The following CMTM8 variants were observed in gnomAD, a reference collection of about 807,000 sequenced individuals.
CMTM8 encodes CKLF-like MARVEL transmembrane domain-containing protein 8.
CMTM8 carries 12 observed loss-of-function variants against 18.6 expected under a neutral mutation model. The ratio of observed to expected loss-of-function variants is 0.65; its 90% confidence interval spans 0.41 to 1.05. The LOEUF is 1.05. Among genes scored for constraint, CMTM8 ranks in the 50% least tolerant of loss-of-function variants. CMTM8 has a pLI of 0.00. For synonymous variants in CMTM8, 87 were observed against 90.6 expected (o/e 0.96, Z 0.23); for missense variants, 217 against 227.2 (o/e 0.95, Z 0.29).
Position 32,239,096 on chromosome 3 carries a change from G to C in CMTM8, c.124G>C (p.Gly42Arg). ...CCGGGAGTTCCTCCGCACCCTGCCC[G>C]GCTTCCTCATCGTGGCCGAGATCGT... is the stretch of plus-strand genomic sequence containing the variant. ...YDREFLRTLP[G>R]FLIVAEIVLG... is the part of the protein sequence containing the mutation. The change falls in exon 1 of 4, where the codon GGC becomes CGC. Residue 42 changes from glycine (G) to arginine (R), a missense_variant. By Grantham distance (125) the Gly-to-Arg change is moderately radical (BLOSUM62 -2). Coordinates refer to ENST00000307526, the MANE Select transcript of CMTM8 (RefSeq NM_178868.5). 1.2e-6 allele frequency: 2 copies of C among 1,601,100 alleles called. No homozygotes were observed. The highest frequency in any genetic ancestry group is 1.7e-6 in the Non-Finnish European group (2 of 1,174,498).
At position 32,259,876 on chromosome 3, in the gene CMTM8, G is replaced by C. The variant is rs892317654; in HGVS notation, c.147+20757G>C. ...CCTTGGAGATTGACCTGGACTCCATGAGAAATGTGAAGGCCAGCCTGGAGA... is the reference window on the plus strand; with the variant it reads ...CCTTGGAGATTGACCTGGACTCCATCAGAAATGTGAAGGCCAGCCTGGAGA... On this transcript the variant is annotated intron_variant, in intron 1 of 3. Coordinates refer to ENST00000307526, the MANE Select transcript of CMTM8 (RefSeq NM_178868.5). The C allele has an allele frequency of 9.0e-6, 8 of 889,188 alleles. No homozygotes were observed. The African/African-American group carries it at 9.8e-5, about 11-fold the overall frequency. The allele number at this position is 889,188 out of a possible 1,614,324, so 55.1% of individuals were successfully genotyped here.
chr3:32,331,521 A>T (rs1399479219), intron 1 of CMTM8, among the ~76,000 whole-genome samples: 1 of 135,542 alleles, frequency 7.4e-6, no homozygotes, highest in African/African-American at 3.2e-5. Flanking sequence ...TCAGCTGATT[A>T]AAAAAAAAAC....
chr3:32,246,810 T>C (rs1702021969), intron 1 of CMTM8, among the ~76,000 whole-genome samples: 1 of 152,230 alleles, frequency 6.6e-6, no homozygotes, highest in Non-Finnish European at 1.5e-5. Flanking sequence ...TCTTTAAAGA[T>C]AAGTTTATTG....
At chr3:32,250,646 A>G (rs370909796) in intron 1 of CMTM8, among the ~76,000 whole-genome samples, 2 of 151,930 alleles carry the variant, frequency 1.3e-5, no homozygotes, top group South Asian at 2.1e-4. Flanking sequence ...TTTTGATGCT[A>G]TTTTATTTCT....
At chr3:32,306,801 G>T (rs1368217062) in intron 1 of CMTM8, among the ~76,000 whole-genome samples, 1 of 152,166 alleles carries the variant, frequency 6.6e-6, no homozygotes, top group Admixed American at 6.5e-5. Context: ...GTTTTAGAGG[G>T]ATTATCTTGG....
chr3:32,285,731 A>C (rs991196619), intron 1 of CMTM8, among the ~76,000 whole-genome samples: 4 of 152,026 alleles, frequency 2.6e-5, no homozygotes, highest in Non-Finnish European at 4.4e-5. Flanking sequence ...TTGGCAACAG[A>C]GTTGTGTTGA....
At chr3:32,254,951 ACTGT>A (rs1299252253) in intron 1 of CMTM8, among the ~76,000 whole-genome samples, 3 of 152,138 alleles carry the variant, frequency 2.0e-5, no homozygotes, top group African/African-American at 7.2e-5. Flanking sequence ...CTACTAATCT[ACTGT>A]CTGTCTCTAT....
intron 1 of CMTM8, among the ~76,000 whole-genome samples, chr3:32,346,485 T>A (rs951373899): frequency 6.6e-6 from 1 of 152,198 alleles, no homozygotes; most frequent in Admixed American, 6.5e-5. Context: ...AGTCCAAGAT[T>A]AAGGGGACAG....
At chr3:32,308,706 A>G (rs1695762672) in intron 1 of CMTM8, among the ~76,000 whole-genome samples, 1 of 152,264 alleles carries the variant, frequency 6.6e-6, no homozygotes. Flanking sequence ...TGTATGAGGT[A>G]CTCAAAATAG....
intron 1 of CMTM8, among the ~76,000 whole-genome samples, chr3:32,286,010 A>G (rs931718256): frequency 6.6e-6 from 1 of 152,198 alleles, no homozygotes; most frequent in African/African-American, 2.4e-5. Context: ...TGTCAGGACG[A>G]TGGGAGAATT....
intron 1 of CMTM8, among the ~76,000 whole-genome samples, chr3:32,324,161 T>G (rs1696112367): frequency 6.6e-6 from 1 of 152,258 alleles, no homozygotes; most frequent in Non-Finnish European, 1.5e-5. Context: ...CTTTCACAAT[T>G]ATCAGACTTT....
chr3:32,313,617 C>T (rs1448523545), intron 1 of CMTM8, among the ~76,000 whole-genome samples: 1 of 152,116 alleles, frequency 6.6e-6, no homozygotes, highest in Non-Finnish European at 1.5e-5. Context: ...GCATCCAAAT[C>T]TCTTGGAGAA....
chr3:32,356,678 C>T (rs1280026541), intron 1 of CMTM8, among the ~76,000 whole-genome samples: 1 of 152,154 alleles, frequency 6.6e-6, no homozygotes, highest in Non-Finnish European at 1.5e-5. Context: ...CAGGGAATGC[C>T]CAGAGGTTCG....
chr3:32,315,947 A>G (rs1695919285), intron 1 of CMTM8, among the ~76,000 whole-genome samples: 1 of 150,424 alleles, frequency 6.6e-6, no homozygotes, highest in Non-Finnish European at 1.5e-5. Context: ...ATAACTAGAC[A>G]TCCTCTGGAA....
At chr3:32,295,479 C>CAAAAAAAAAAA (rs58774314) in intron 1 of CMTM8, among the ~76,000 whole-genome samples, 2 of 82,466 alleles carry the variant, frequency 2.4e-5, no homozygotes, top group Non-Finnish European at 2.1e-5. Context: ...AAAAAAAAAA[C>CAAAAAAAAAAA]AAAACAAAAC....
intron 1 of CMTM8, among the ~76,000 whole-genome samples, chr3:32,267,814 A>AGACATTTATGCAGTCAAAAGAC (rs1454014148): frequency 3.9e-5 from 6 of 152,398 alleles, no homozygotes; most frequent in Middle Eastern, 3.4e-3. Context: ...TCTCAAAAGA[A>AGACATTTATGCAGTCAAAAGAC]GACATTTATG....
Position 32,369,886 on chromosome 3 carries a change from C to A in CMTM8, c.441C>A (p.Phe147Leu). Reference protein sequence around the residue: ...HNFNSWAASSFFAFLVTICYA... With the variant: ...HNFNSWAASSLFAFLVTICYA... ...CTATTATGCTTTGTTTTCTCCAGTT[C>A]TTTGCCTTCCTGGTCACCATCTGCT... is the stretch of plus-strand genomic sequence containing the variant. Residue 147 changes from phenylalanine to leucine, a missense_variant and splice_region_variant, in exon 4 of 4, where the codon TTC (phenylalanine) becomes TTA (leucine). Coordinates refer to ENST00000307526, the MANE Select transcript of CMTM8 (RefSeq NM_178868.5). 6.2e-7 allele frequency: 1 copy of A among 1,606,122 alleles called. No individual in the cohort carries two copies. Among genetic ancestry groups the A allele is most frequent in the African/African-American group, 1.3e-5 (1 of 74,898 alleles).
At position 32,317,826 on chromosome 3, in the gene CMTM8, C is replaced by T. The variant is rs548616322; in HGVS notation, c.148-39547C>T. On this transcript the variant is annotated intron_variant, in intron 1 of 3. Coordinates refer to ENST00000307526, the MANE Select transcript of CMTM8 (RefSeq NM_178868.5). ...ATCCCAACACTTTGGAAAGCAGAGG[C>T]GCGCAGATCATGAGGTCAGGAGTTC... Among the ~76,000 whole-genome samples the T allele has an allele frequency of 2.6e-5, 4 of 152,100 alleles. No homozygotes were observed. In the East Asian group the frequency reaches 7.7e-4, roughly 29 times the overall value.
chr3:32,262,586 A>G (rs1206728379), intron 1 of CMTM8, among the ~76,000 whole-genome samples: 1 of 152,240 alleles, frequency 6.6e-6, no homozygotes, highest in Non-Finnish European at 1.5e-5. Flanking sequence ...CAGTTAAGAC[A>G]CACATTTGAT....
Sources: gnomAD v4.1 joint callset for allele counts (sites outside exome capture counted in the v4.1 genomes callset) on GRCh38, gnomAD v4.1.1 for gene constraint, MANE v1.5 for transcripts, NCBI Gene and HGNC (gene_info 2026-07-23, HGNC 2026-07-21) for gene names.